Variants in COPS4 observed in about 807,000 individuals in gnomAD.
COPS4 encodes COP9 signalosome complex subunit 4.
In COPS4, 8 loss-of-function variants were observed where a neutral mutation model predicts 55.1. That is an observed-to-expected ratio of 0.15 (90% CI 0.09 to 0.26). COPS4 has a LOEUF of 0.26. Ranked by LOEUF, COPS4 falls within the 10% of genes least tolerant of loss-of-function variation. The pLI is 1.00. For synonymous variants in COPS4, 185 were observed against 165.7 expected (o/e 1.12, Z -0.90); for missense variants, 248 against 484.0 (o/e 0.51, Z 4.58).
chr4:83,050,173 T>C (rs1332765433), intron 4 of COPS4, among the ~76,000 whole-genome samples, 189 bp downstream of exon 4: 2 of 152,142 alleles, frequency 1.3e-5, no homozygotes, highest in Non-Finnish European at 2.9e-5. Context: ...GTATGTATAT[T>C]TAAATAGGGT....
chr4:83,049,800 C>T, intron 3 of COPS4, 81 bp from the exon 4 acceptor site: 1 of 860,534 alleles, frequency 1.2e-6, no homozygotes, highest in South Asian at 2.0e-5. Context: ...TGAATTGCCA[C>T]TTTAGAATAA....
At chr4:83,035,603 C>T (rs1730397636) in intron 1 of COPS4, 1 of 251,344 alleles carries the variant, frequency 4.0e-6, no homozygotes, top group African/African-American at 2.2e-5. Flanking sequence ...CTACCCTGGC[C>T]TTAGTAGCCT....
chr4:83,044,778 AAACAACAACAAC>A (rs772070874), intron 1 of COPS4, among the ~76,000 whole-genome samples: 1 of 152,122 alleles, frequency 6.6e-6, no homozygotes, highest in Non-Finnish European at 1.5e-5. Flanking sequence ...CCGTCTTCAA[AAACAACAACAAC>A]AACAACAACA....
At chr4:83,036,459 C>T (rs889941096) in intron 1 of COPS4, among the ~76,000 whole-genome samples, 1 of 152,144 alleles carries the variant, frequency 6.6e-6, no homozygotes. Flanking sequence ...CAAACGTAAT[C>T]TACTTTTATC....
At chr4:83,061,817 C>T (rs1248599869) in intron 6 of COPS4, among the ~76,000 whole-genome samples, 4 of 152,054 alleles carry the variant, frequency 2.6e-5, no homozygotes, top group Non-Finnish European at 4.4e-5. Context: ...GGATTATAGG[C>T]GTGAGCCACT....
At chr4:83,071,443 A>G (rs1260337960) in intron 9 of COPS4, among the ~76,000 whole-genome samples, 1 of 151,660 alleles carries the variant, frequency 6.6e-6, no homozygotes, top group African/African-American at 2.4e-5. Context: ...TTCTTAAGAG[A>G]CAACTCGCTG....
At chr4:83,055,276 A>G (rs536494610) in intron 4 of COPS4, among the ~76,000 whole-genome samples, 42 of 152,296 alleles carry the variant, frequency 2.8e-4, no homozygotes, top group Non-Finnish European at 5.6e-4. Context: ...ACTGAGATGA[A>G]GAAGAAAATG....
At chr4:83,054,465 G>C (rs969113705) in intron 4 of COPS4, among the ~76,000 whole-genome samples, 2 of 152,228 alleles carry the variant, frequency 1.3e-5, no homozygotes, top group Non-Finnish European at 2.9e-5. Flanking sequence ...GGCAGACACT[G>C]CTTCAGACAT....
intron 1 of COPS4, among the ~76,000 whole-genome samples, chr4:83,038,737 G>A (rs1730487422): frequency 6.6e-6 from 1 of 152,108 alleles, no homozygotes; most frequent in African/African-American, 2.4e-5. Context: ...TGCCTCCCGG[G>A]TTCAACCGAT....
At chr4:83,051,775 T>C (rs1261849416) in intron 4 of COPS4, among the ~76,000 whole-genome samples, 1 of 152,162 alleles carries the variant, frequency 6.6e-6, no homozygotes, top group East Asian at 1.9e-4. Flanking sequence ...AGCCATTAGA[T>C]TGGATGAGAT....
At chr4:83,043,595 T>G (rs1324425141) in intron 1 of COPS4, among the ~76,000 whole-genome samples, 2 of 146,706 alleles carry the variant, frequency 1.4e-5, no homozygotes, top group Admixed American at 1.4e-4. Context: ...TTTATATAAG[T>G]GAGACACTAT....
intron 8 of COPS4, 115 bp from the exon 9 acceptor site, chr4:83,068,323 T>C: frequency 3.0e-6 from 2 of 676,796 alleles, no homozygotes; most frequent in Non-Finnish European, 5.2e-6. Context: ...GGCAGATTAA[T>C]GTATATGTAA....
At chr4:83,061,979 A>C (rs1001730874) in intron 6 of COPS4, among the ~76,000 whole-genome samples, 1 of 152,254 alleles carries the variant, frequency 6.6e-6, no homozygotes, top group Non-Finnish European at 1.5e-5. Flanking sequence ...AGTTCTTTTT[A>C]ATGGACTACC....
At chr4:83,063,554 C>T (rs563138007) in intron 7 of COPS4, among the ~76,000 whole-genome samples, 1 of 150,864 alleles carries the variant, frequency 6.6e-6, no homozygotes, top group Non-Finnish European at 1.5e-5. Flanking sequence ...ACTACAGGCG[C>T]CCGCCACCAC....
chr4:83,073,198 T>C, intron 9 of COPS4: 1 of 662,116 alleles, frequency 1.5e-6, no homozygotes. Flanking sequence ...ATTCCTTCCT[T>C]CCCCCAGCTT....
chr4:83,070,388 C>T (rs1369935552), intron 9 of COPS4, among the ~76,000 whole-genome samples: 2 of 152,180 alleles, frequency 1.3e-5, no homozygotes, highest in African/African-American at 4.8e-5. Flanking sequence ...TAAGGTGTTT[C>T]TACCTGATTG....
At chr4:83,053,139 A>C (rs1578710659) in intron 4 of COPS4, among the ~76,000 whole-genome samples, 2 of 152,114 alleles carry the variant, frequency 1.3e-5, no homozygotes, top group Admixed American at 6.5e-5. Flanking sequence ...CCTCAGTCCC[A>C]GCGGAGGTGG....
chr4:83,057,415 A>G lies in COPS4; in HGVS notation c.715+7A>G, dbSNP rs750660159. The G allele has an allele frequency of 6.4e-7, 1 of 1,553,306 alleles. No individual in the cohort carries two copies. The highest frequency in any genetic ancestry group is 8.7e-7 in the Non-Finnish European group (1 of 1,151,620). ...ACGATCTTAGCATCAGCAGGTAAAC[A>G]CGTAATAATTTATACTTAAATGAAC... is the stretch of plus-strand genomic sequence containing the variant. On this transcript the variant is annotated splice_region_variant and intron_variant, in intron 6 of 9. Transcript: ENST00000264389.
In COPS4 at chr4:83,075,406, C is replaced by T; in HGVS notation, c.1197C>T (p.Ala399=). ...CAGCACCAGAATGGACAGCACAAGC[C>T]ATGGAAGCCCAGATGGCTCAGTGAA... ...SQTAPEWTAQ[A]MEAQMAQ is the part of the protein sequence containing the mutation. The change falls in exon 10 of 10, where the codon GCC becomes GCT. Residue 399 remains alanine, a synonymous_variant. Coordinates refer to ENST00000264389, the MANE Select transcript of COPS4 (RefSeq NM_016129.3). The T allele has an allele frequency of 6.2e-7, 1 of 1,614,082 alleles. No homozygotes were observed. The highest frequency in any genetic ancestry group is 8.5e-7 in the Non-Finnish European group (1 of 1,179,990).
Sources: allele counts gnomAD v4.1 joint callset (sites outside exome capture counted in the v4.1 genomes callset), GRCh38; gene constraint gnomAD v4.1.1; transcripts MANE v1.5; gene names NCBI Gene and HGNC (gene_info 2026-07-23, HGNC 2026-07-21).